SLC43A2: variants seen among roughly 807,000 people sequenced by gnomAD.
SLC43A2 encodes large neutral amino acids transporter small subunit 4.
A neutral mutation model predicts 63.2 loss-of-function variants in SLC43A2; 38 were observed. The ratio of observed to expected loss-of-function variants is 0.60; its 90% CI spans 0.46 to 0.79. The LOEUF is 0.79. Among genes scored for constraint, SLC43A2 ranks in the 30% least tolerant of loss-of-function variants. The pLI, the probability that SLC43A2 is intolerant of heterozygous loss-of-function variation, is 0.00. For missense variants in SLC43A2, 644 were observed against 756.2 expected (o/e 0.85, Z 1.74); for synonymous variants, 322 against 331.0 (o/e 0.97, Z 0.30).
At chr17:1,613,710 T>A (rs975580472) in intron 4 of SLC43A2, among the ~76,000 whole-genome samples, 5 of 152,194 alleles carry the variant, frequency 3.3e-5, no homozygotes, top group African/African-American at 1.2e-4. Flanking sequence ...GCGCTAAGAT[T>A]ACAGGCATAA....
At chr17:1,586,850 T>A in intron 9 of SLC43A2, 2 of 1,325,178 alleles carry the variant, frequency 1.5e-6, no homozygotes, top group Non-Finnish European at 2.0e-6. Context: ...CCAGGAGGCA[T>A]GTCTGGAGCT....
chr17:1,578,252 G>C lies in SLC43A2; in HGVS notation c.1422C>G (p.Ala474=), dbSNP rs376327307. 1 of 1,613,068 alleles carries C rather than the reference G, an allele frequency of 6.2e-7. No homozygotes were observed. Among genetic ancestry groups the C allele is most frequent in the South Asian group, 1.1e-5 (1 of 91,074 alleles). ...IHSAVGGLYA[A]VYPSTQFGSL... is the part of the protein sequence containing the mutation. ...CACCTGCGGCTTCCAGGACTTACAC[G>C]GCAGCGTACAGGCCCCCGACAGCGG... Residue 474 remains alanine (A), a splice_region_variant and synonymous_variant, in exon 12 of 14, where the codon GCC becomes GCG. Transcript: ENST00000301335. The surrounding 1 kb of genome is among the most constrained non-coding windows in gnomAD (Gnocchi z 6.5).
chr17:1,584,184 C>T (rs537950189), intron 10 of SLC43A2, among the ~76,000 whole-genome samples: 25 of 152,180 alleles, frequency 1.6e-4, no homozygotes, highest in South Asian at 4.2e-4. Context: ...TGAGCCACCG[C>T]GCCCGGCCAA....
rs530613499 is a variant in SLC43A2, at chr17:1,604,497, T to A, written c.501+8698A>T. ...TTTCTGACCTGGGCCGGTTCAGCCC[T>A]CCTTAGGCAACCTGGGGGTCCCTCA... On this transcript the variant is annotated intron_variant, in intron 5 of 13. Coordinates refer to ENST00000301335, the MANE Select transcript of SLC43A2 (RefSeq NM_152346.3). 150 of 560,602 alleles carry A rather than the reference T, an allele frequency of 2.7e-4. 3 individuals carry two copies. In the South Asian group the frequency reaches 2.8e-3, roughly 11 times the overall value. 34.7% of individuals were successfully genotyped at this position (560,602 alleles called of 1,614,324 possible).
Position 1,590,911 on chromosome 17 carries a change from G to A in SLC43A2, c.969C>T (p.Ile323=). ...PSFMHSVFSP[I]LLLSLVTMCV... Reference sequence around the variant, plus strand: ...ACATGGTGACCAGGCTGAGCAGCAGGATGGGGCTGAACACGCTGTGCATGA... The same window carrying A: ...ACATGGTGACCAGGCTGAGCAGCAGAATGGGGCTGAACACGCTGTGCATGA... Residue 323 remains isoleucine (I), a synonymous_variant, in exon 9 of 14, where the codon ATC becomes ATT. Transcript: ENST00000301335. The A allele has an allele frequency of 1.9e-6, 3 of 1,551,922 alleles. No individual in the cohort carries two copies. Among genetic ancestry groups the A allele is most frequent in the African/African-American group, 1.4e-5 (1 of 73,304 alleles).
rs1228439226 is a variant in SLC43A2 at position 1,572,243 on chromosome 17, A to AC, written c.*3360dup. ...GCCTGCTCCCCTTCCTTGGGCTGTG[A>AC]CCCCCCTGCCACAGAGGCCCCCCCC... On this transcript the variant is annotated 3_prime_UTR_variant, in exon 14 of 14. Transcript: ENST00000301335. 8.8e-5 allele frequency: 9 copies of AC among 101,810 alleles called. No homozygotes were observed. The highest frequency in any genetic ancestry group is 3.4e-4 in the African/African-American group (9 of 26,480). 6.3% of individuals were successfully genotyped at this position (101,810 alleles called of 1,614,324 possible). A position where few individuals can be genotyped will look rare whatever the true frequency, so the allele number is the denominator to read the frequency against.
intron 4 of SLC43A2, among the ~76,000 whole-genome samples, chr17:1,613,680 G>A (rs1203810330): frequency 6.6e-6 from 1 of 152,126 alleles, no homozygotes; most frequent in East Asian, 1.9e-4. Flanking sequence ...CGGGTGATCT[G>A]CCGATCTCAG....
chr17:1,587,598 G>T (rs1330229310), intron 9 of SLC43A2, among the ~76,000 whole-genome samples: 1 of 152,182 alleles, frequency 6.6e-6, no homozygotes, highest in Non-Finnish European at 1.5e-5. Flanking sequence ...CTGGTCTAGA[G>T]GCCCTTGGCT....
rs1174703767 is a variant in SLC43A2 at position 1,573,888 on chromosome 17, G to A, written c.*1716C>T. 1 of 152,250 alleles carries A rather than the reference G, an allele frequency of 6.6e-6. No individual in the cohort carries two copies. The allele number at this position is 152,250 out of a possible 1,614,324, so 9.4% of individuals were successfully genotyped here. Reference sequence around the variant, plus strand: ...CTGCCTTGGCCTCCCAAAGTGCTGGGATTATAGGCGTGAGCCACCACGCCC... The same window carrying A: ...CTGCCTTGGCCTCCCAAAGTGCTGGAATTATAGGCGTGAGCCACCACGCCC... On this transcript the variant is annotated 3_prime_UTR_variant, in exon 14 of 14. Coordinates refer to ENST00000301335, the MANE Select transcript of SLC43A2 (RefSeq NM_152346.3).
chr17:1,615,195 C>T (rs1907483275), intron 3 of SLC43A2, among the ~76,000 whole-genome samples, 161 bp from the exon 4 acceptor site: 3 of 152,044 alleles, frequency 2.0e-5, no homozygotes, highest in African/African-American at 7.2e-5. Context: ...GCAACCTCCG[C>T]CTCCCAGGTT....
chr17:1,629,451 T>C (rs548987657), upstream of SLC43A2, among the ~76,000 whole-genome samples: 15 of 152,148 alleles, frequency 9.9e-5, no homozygotes, highest in Admixed American at 6.5e-5. Flanking sequence ...GGTCCAGCCG[T>C]GGCGCCCCCC....
rs975067790 is a variant in SLC43A2 at position 1,575,204 on chromosome 17, G to C, written c.*400C>G. The C allele has an allele frequency of 3.2e-6, 1 of 315,408 alleles. No homozygotes were observed. Among genetic ancestry groups the C allele is most frequent in the African/African-American group, 2.2e-5 (1 of 44,842 alleles). 19.5% of individuals were successfully genotyped at this position (315,408 alleles called of 1,614,324 possible). ...CAAGCCTTTGTCCTCAGGCAGGTAC[G>C]GCTGTGGGCATGCAGCCGAGGGGCA... On this transcript the variant is annotated 3_prime_UTR_variant, in exon 14 of 14. Coordinates refer to ENST00000301335, the MANE Select transcript of SLC43A2 (RefSeq NM_152346.3).
At chr17:1,611,503 T>C (rs924417241) in intron 5 of SLC43A2, among the ~76,000 whole-genome samples, 2 of 151,626 alleles carry the variant, frequency 1.3e-5, no homozygotes, top group Non-Finnish European at 2.9e-5. Context: ...GGCGTGATGG[T>C]GCACGCCTAT....
chr17:1,603,599 T>C (rs779042224), intron 5 of SLC43A2, among the ~76,000 whole-genome samples: 2 of 151,142 alleles, frequency 1.3e-5, no homozygotes, highest in Non-Finnish European at 2.9e-5. Flanking sequence ...GCCTGGCCAA[T>C]ACGGTGAAAC....
chr17:1,583,361 G>C lies in SLC43A2; in HGVS notation c.1218-25C>G, dbSNP rs781779567. 11 of 1,610,680 alleles carry C rather than the reference G, an allele frequency of 6.8e-6. No individual in the cohort carries two copies. The highest frequency in any genetic ancestry group is 9.3e-6 in the Non-Finnish European group (11 of 1,177,312). On this transcript the variant is annotated intron_variant, in intron 10 of 13. Coordinates refer to ENST00000301335, the MANE Select transcript of SLC43A2 (RefSeq NM_152346.3). The surrounding 1 kb of genome is among the most constrained non-coding windows in gnomAD (Gnocchi z 5.5). ...TCTGTGGAGACACAGAACGTGCAGG[G>C]GTGGGAGGGCTCCCCGGAGGAAGCC...
intron 10 of SLC43A2, among the ~76,000 whole-genome samples, chr17:1,584,042 C>G (rs1001182270): frequency 1.3e-5 from 2 of 151,832 alleles, no homozygotes. Flanking sequence ...ACTACAGGCA[C>G]GCGCCACCTT....
chr17:1,594,641 G>A (rs543057062), intron 5 of SLC43A2, among the ~76,000 whole-genome samples: 1 of 134,664 alleles, frequency 7.4e-6, no homozygotes, highest in Non-Finnish European at 1.6e-5. Flanking sequence ...AGGCTGTACT[G>A]CAGTGGCTCT....
intron 2 of SLC43A2, among the ~76,000 whole-genome samples, chr17:1,617,321 C>CT (rs1286067791): frequency 6.6e-5 from 10 of 152,234 alleles, no homozygotes; most frequent in Non-Finnish European, 1.5e-4. Context: ...ACTGCGGCGC[C>CT]TCCTTCAATG....
chr17:1,585,290 G>A, intron 10 of SLC43A2: 1 of 971,764 alleles, frequency 1.0e-6, no homozygotes, highest in Non-Finnish European at 1.2e-6. Context: ...GCCCAGGCTG[G>A]AAGTGCAATG....
Sources: allele counts gnomAD v4.1 joint callset (sites outside exome capture counted in the v4.1 genomes callset), GRCh38; gene constraint gnomAD v4.1.1; non-coding constraint Gnocchi (gnomAD v3.1); transcripts MANE v1.5; gene names NCBI Gene and HGNC (gene_info 2026-07-23, HGNC 2026-07-21).